The following LGR6 variants were observed in gnomAD, a reference collection of about 807,000 sequenced individuals.
The protein encoded by LGR6 is leucine rich repeat containing G protein-coupled receptor 6, also known as leucine-rich repeat-containing G protein-coupled receptor 6.
Under a neutral mutation model 69.4 loss-of-function variants are expected in LGR6, and 45 were observed. That is an observed-to-expected ratio of 0.65 (90% CI 0.51 to 0.83). LGR6 has a LOEUF of 0.83. Ranked by LOEUF, LGR6 falls within the 40% of genes least tolerant of loss-of-function variation. LGR6 has a pLI of 0.00. For synonymous variants in LGR6, 538 were observed against 555.0 expected (o/e 0.97, Z 0.43); for missense variants, 1,108 against 1,246.7 (o/e 0.89, Z 1.68).
intron 5 of LGR6, 79 bp from the exon 6 acceptor site, chr1:202,280,702 C>A: frequency 8.0e-7 from 1 of 1,255,782 alleles, no homozygotes; most frequent in Non-Finnish European, 1.2e-6. Flanking sequence ...ACACTTTCCC[C>A]ATGCCACCAT....
chr1:202,303,449 C>T, intron 10 of LGR6, 102 bp downstream of exon 10: 2 of 899,122 alleles, frequency 2.2e-6, no homozygotes, highest in East Asian at 2.5e-5. Context: ...TCCTTGCTTC[C>T]CTTTTATCCA....
chr1:202,214,626 C>T (rs1659643533), intron 1 of LGR6, among the ~76,000 whole-genome samples: 1 of 152,168 alleles, frequency 6.6e-6, no homozygotes, highest in African/African-American at 2.4e-5. Context: ...TTGATATTTC[C>T]GAATCTCCGT....
chr1:202,234,208 C>G (rs1279098050), intron 3 of LGR6, among the ~76,000 whole-genome samples: 1 of 152,230 alleles, frequency 6.6e-6, no homozygotes, highest in Non-Finnish European at 1.5e-5. Context: ...AGGCCCTTCC[C>G]TTGTATGGCC....
chr1:202,220,424 G>T (rs1368824492), intron 1 of LGR6, among the ~76,000 whole-genome samples: 1 of 133,126 alleles, frequency 7.5e-6, no homozygotes, highest in Non-Finnish European at 1.7e-5. Flanking sequence ...TCACCATGTT[G>T]GCCAGACTGG....
intron 4 of LGR6, among the ~76,000 whole-genome samples, chr1:202,261,263 G>A (rs1383115700): frequency 2.5e-5 from 3 of 122,296 alleles, no homozygotes; most frequent in African/African-American, 9.8e-5. Context: ...TCCCCAGAGT[G>A]TGATGTTCCC....
intron 1 of LGR6, among the ~76,000 whole-genome samples, chr1:202,222,089 T>C (rs1386019473): frequency 6.6e-6 from 1 of 152,238 alleles, no homozygotes; most frequent in Non-Finnish European, 1.5e-5. Context: ...CCAGGGCTGG[T>C]GGCATTGGCT....
At chr1:202,229,733 G>A (rs1434451879) in intron 3 of LGR6, among the ~76,000 whole-genome samples, 1 of 152,186 alleles carries the variant, frequency 6.6e-6, no homozygotes, top group East Asian at 1.9e-4. Flanking sequence ...AGGACAGCCA[G>A]GCTGTCTGCT....
At chr1:202,216,821 G>A (rs1480912384) in intron 1 of LGR6, among the ~76,000 whole-genome samples, 1 of 152,192 alleles carries the variant, frequency 6.6e-6, no homozygotes, top group Non-Finnish European at 1.5e-5. Context: ...GCCATTGAAG[G>A]AGAAGCACAC....
chr1:202,301,265 C>T (rs1238089432), intron 9 of LGR6, 30 bp downstream of exon 9: 1 of 1,577,510 alleles, frequency 6.3e-7, no homozygotes, highest in Admixed American at 1.7e-5. Context: ...CTGCTGCAGC[C>T]TGAACTTCCC....
In LGR6 at chr1:202,299,382, TC is replaced by T. The variant is rs533744324; in HGVS notation, c.786-1466del. Among the ~76,000 whole-genome samples the T allele has an allele frequency of 9.9e-5, 15 of 152,146 alleles. No homozygotes were observed. In the East Asian group the frequency reaches 2.7e-3, roughly 27 times the overall value. The stretch of plus-strand genomic sequence containing the variant: ...TGAGAGAAGCATGAGATTTGATCTA[TC>T]AAGAGGGCATGGAGGGAGCAGGATG... On this transcript the variant is annotated intron_variant, in intron 7 of 17. Transcript: ENST00000367278.
chr1:202,240,509 A>C (rs1222414798), intron 4 of LGR6, among the ~76,000 whole-genome samples: 1 of 152,058 alleles, frequency 6.6e-6, no homozygotes, highest in Non-Finnish European at 1.5e-5. Context: ...AGGCAGGATA[A>C]CCAAGTATCC....
intron 4 of LGR6, among the ~76,000 whole-genome samples, chr1:202,237,225 T>A (rs1424717138): frequency 6.6e-6 from 1 of 152,112 alleles, no homozygotes; most frequent in African/African-American, 2.4e-5. Context: ...GCCCCAGCCC[T>A]CTCCTCTCCC....
intron 4 of LGR6, among the ~76,000 whole-genome samples, chr1:202,270,247 GTT>G (rs56357341): frequency 2.1e-5 from 3 of 144,644 alleles, no homozygotes; most frequent in Admixed American, 6.9e-5. Context: ...TTTTGCTTTT[GTT>G]TTTTTTTTTT....
intron 6 of LGR6, among the ~76,000 whole-genome samples, chr1:202,288,307 T>C (rs1036970362): frequency 1.3e-5 from 2 of 152,208 alleles, no homozygotes; most frequent in Non-Finnish European, 2.9e-5. Flanking sequence ...CTTAATTTTT[T>C]TCCATAGCAT....
rs1211419736 is a variant in LGR6 at position 202,319,236 on chromosome 1, C to G, written c.*29C>G. 3.9e-6 allele frequency: 6 copies of G among 1,535,696 alleles called. No individual in the cohort carries two copies. The South Asian group carries it at 7.7e-5, about 20-fold the overall frequency. On this transcript the variant is annotated 3_prime_UTR_variant, in exon 18 of 18. Coordinates refer to ENST00000367278, the MANE Select transcript of LGR6 (RefSeq NM_001017403.2). ...TCCCTCCCCATTCTTCTCTTCCCCT[C>G]TCTTCCCTTTCCTCTCTCCCCCTCG...
At chr1:202,246,664 G>T (rs888539035) in intron 4 of LGR6, among the ~76,000 whole-genome samples, 1 of 151,772 alleles carries the variant, frequency 6.6e-6, no homozygotes, top group African/African-American at 2.4e-5. Context: ...TTAAAATTCT[G>T]TGACAGAAAA....
At chr1:202,283,211 A>G (rs1666144932) in intron 6 of LGR6, among the ~76,000 whole-genome samples, 1 of 152,092 alleles carries the variant, frequency 6.6e-6, no homozygotes, top group African/African-American at 2.4e-5. Context: ...CCATCTCAAC[A>G]ATACCCCCTT....
chr1:202,256,701 C>T (rs547886363), intron 4 of LGR6, among the ~76,000 whole-genome samples: 34 of 152,314 alleles, frequency 2.2e-4, no homozygotes, highest in African/African-American at 7.2e-4. Context: ...TTTATGTACA[C>T]ATATGTTGTC....
intron 1 of LGR6, among the ~76,000 whole-genome samples, chr1:202,196,286 G>A (rs1276669865): frequency 2.0e-5 from 3 of 152,118 alleles, no homozygotes; most frequent in African/African-American, 7.2e-5. Flanking sequence ...TCTCAGAGGA[G>A]GAATTTTCTT....
Sources: allele counts gnomAD v4.1 joint callset (sites outside exome capture counted in the v4.1 genomes callset), GRCh38; gene constraint gnomAD v4.1.1; transcripts MANE v1.5; gene names NCBI Gene and HGNC (gene_info 2026-07-23, HGNC 2026-07-21).